Variants in CDKAL1 observed in about 807,000 individuals in gnomAD.
CDKAL1 encodes the protein threonylcarbamoyladenosine tRNA methylthiotransferase.
A neutral mutation model predicts 68.2 loss-of-function variants in CDKAL1; 32 were observed. The ratio of observed to expected loss-of-function variants is 0.47; its 90% CI spans 0.35 to 0.63. CDKAL1 has a LOEUF of 0.63. CDKAL1 is among the 30% of genes least tolerant of loss of function. The pLI is 0.00. For synonymous variants in CDKAL1, 234 were observed against 244.3 expected, an observed-to-expected ratio of 0.96 and a Z score of 0.39; for missense variants, 606 against 696.7, an observed-to-expected ratio of 0.87 and a Z score of 1.47.
intron 9 of CDKAL1, among the ~76,000 whole-genome samples, chr6:20,873,914 C>T (rs887364933): frequency 6.6e-6 from 1 of 152,022 alleles, no homozygotes; most frequent in Admixed American, 6.6e-5. Flanking sequence ...GTGAAAGAAT[C>T]GAAGTAGCTA....
chr6:20,840,619 G>A (rs1177999428), intron 8 of CDKAL1, among the ~76,000 whole-genome samples: 1 of 152,194 alleles, frequency 6.6e-6, no homozygotes, highest in Non-Finnish European at 1.5e-5. Context: ...CTTAAAGAAG[G>A]TAGGGTTTTG....
At chr6:21,080,401 T>G (rs1216751868) in intron 12 of CDKAL1, among the ~76,000 whole-genome samples, 1 of 152,180 alleles carries the variant, frequency 6.6e-6, no homozygotes, top group Non-Finnish European at 1.5e-5. Context: ...ACAGTGTGCA[T>G]GGGTGTGGGC....
At chr6:20,884,849 G>C (rs1157610805) in intron 9 of CDKAL1, among the ~76,000 whole-genome samples, 1 of 152,138 alleles carries the variant, frequency 6.6e-6, no homozygotes, top group Non-Finnish European at 1.5e-5. Flanking sequence ...GAAACAAGTT[G>C]TGTGCTGTAG....
At chr6:20,729,786 C>T (rs1157940062) in intron 5 of CDKAL1, among the ~76,000 whole-genome samples, 1 of 152,182 alleles carries the variant, frequency 6.6e-6, no homozygotes. Context: ...TTTTACTACC[C>T]TGCTTCTCAA....
chr6:21,041,853 C>A (rs902236104), intron 11 of CDKAL1, among the ~76,000 whole-genome samples: 1 of 152,116 alleles, frequency 6.6e-6, no homozygotes, highest in Non-Finnish European at 1.5e-5. Flanking sequence ...CTTCATGTTT[C>A]ATGTGTATCA....
chr6:20,887,916 C>T (rs140875910), intron 9 of CDKAL1, among the ~76,000 whole-genome samples: 2 of 150,410 alleles, frequency 1.3e-5, no homozygotes, highest in Non-Finnish European at 3.0e-5. Flanking sequence ...CCCAAATAGC[C>T]GTGGACCACC....
chr6:21,200,289 A>G (rs1213008407), intron 14 of CDKAL1, among the ~76,000 whole-genome samples: 1 of 152,226 alleles, frequency 6.6e-6, no homozygotes, highest in Non-Finnish European at 1.5e-5. Flanking sequence ...TCCTGTGAAC[A>G]AGCCAAAGTA....
At chr6:20,587,401 C>T (rs75951691) in intron 4 of CDKAL1, among the ~76,000 whole-genome samples, 200 of 152,144 alleles carry the variant, frequency 1.3e-3, no homozygotes, top group Non-Finnish European at 2.5e-3. Context: ...AAGAGAAGAT[C>T]TAGTTAGGTT....
chr6:20,976,341 G>C (rs1020222469), intron 10 of CDKAL1, among the ~76,000 whole-genome samples: 3 of 151,982 alleles, frequency 2.0e-5, no homozygotes, highest in Admixed American at 6.6e-5. Context: ...GTTTACAAAG[G>C]GGGTAAATAC....
At position 20,739,629 on chromosome 6, in the gene CDKAL1, T is replaced by A; in HGVS notation, c.468+14T>A. The A allele has an allele frequency of 1.3e-6, 2 of 1,495,490 alleles. No individual in the cohort carries two copies. The highest frequency in any genetic ancestry group is 1.8e-6 in the Non-Finnish European group (2 of 1,089,306). 92.6% of individuals were successfully genotyped at this position (1,495,490 alleles called of 1,614,324 possible). ...AGTATCATTGGGGTAAGCTTGTACC[T>A]GATGCAAAAAGAGAAAATCTTACAT... On this transcript the variant is annotated intron_variant, in intron 6 of 15. Coordinates refer to ENST00000274695, the MANE Select transcript of CDKAL1 (RefSeq NM_017774.3).
chr6:20,825,640 T>A (rs887521797), intron 8 of CDKAL1, among the ~76,000 whole-genome samples: 1 of 152,154 alleles, frequency 6.6e-6, no homozygotes, highest in Non-Finnish European at 1.5e-5. Context: ...ATGGTTTGAT[T>A]CTTCCTGATA....
intron 2 of CDKAL1, among the ~76,000 whole-genome samples, chr6:20,542,707 A>G (rs1200839108): frequency 2.0e-5 from 3 of 152,198 alleles, no homozygotes; most frequent in Non-Finnish European, 4.4e-5. Flanking sequence ...AAACTACAAT[A>G]CAATACAGTA....
Position 20,590,871 on chromosome 6 carries a change from G to A in CDKAL1, c.286+42166G>A, listed in dbSNP as rs540842931. ...ATTTATAATCCTTTGGGTGTATACC[G>A]AGTAATGGGGTTGCTGGGTCAAATG... On this transcript the variant is annotated intron_variant, in intron 4 of 15. Transcript: ENST00000274695. 5.3e-5 allele frequency among the ~76,000 whole-genome samples: 8 copies of A among 152,178 alleles called. No individual in the cohort carries two copies. The South Asian group carries it at 1.2e-3, about 24-fold the overall frequency.
At chr6:20,855,783 A>G (rs1759304122) in intron 9 of CDKAL1, among the ~76,000 whole-genome samples, 1 of 152,250 alleles carries the variant, frequency 6.6e-6, no homozygotes, top group Admixed American at 6.5e-5. Context: ...ACAATAGTAC[A>G]TGAGTATAAT....
intron 8 of CDKAL1, among the ~76,000 whole-genome samples, chr6:20,792,547 A>T (rs1775940737): frequency 6.6e-6 from 1 of 152,182 alleles, no homozygotes; most frequent in Non-Finnish European, 1.5e-5. Flanking sequence ...TGGAATTTTT[A>T]GTCCGTTCTC....
chr6:20,608,820 A>G (rs1380248122), intron 4 of CDKAL1, among the ~76,000 whole-genome samples: 2 of 152,230 alleles, frequency 1.3e-5, no homozygotes, highest in East Asian at 3.8e-4. Flanking sequence ...TTAAGTTATT[A>G]AAAAGATTTG....
At chr6:20,897,877 ATTAG>A (rs1428917305) in intron 9 of CDKAL1, among the ~76,000 whole-genome samples, 17 of 152,154 alleles carry the variant, frequency 1.1e-4, no homozygotes, top group African/African-American at 4.1e-4. Context: ...TTCATTATTA[ATTAG>A]AAATACATTT....
chr6:20,752,676 T>TA (rs1198442083), intron 6 of CDKAL1, among the ~76,000 whole-genome samples: 1 of 152,216 alleles, frequency 6.6e-6, no homozygotes, highest in Admixed American at 6.5e-5. Context: ...TCCCGATCCT[T>TA]ATGAAAGTGA....
chr6:20,718,940 A>G (rs1260031255), intron 5 of CDKAL1, among the ~76,000 whole-genome samples: 1 of 152,206 alleles, frequency 6.6e-6, no homozygotes, highest in Non-Finnish European at 1.5e-5. Flanking sequence ...CATCACAATA[A>G]TAGATTTTTA....
Sources: gnomAD v4.1 joint callset for allele counts (sites outside exome capture counted in the v4.1 genomes callset) on GRCh38, gnomAD v4.1.1 for gene constraint, MANE v1.5 for transcripts, NCBI Gene and HGNC (gene_info 2026-07-23, HGNC 2026-07-21) for gene names.